Variants in SLC8A1 observed in about 807,000 individuals in gnomAD.
SLC8A1 encodes sodium/calcium exchanger 1.
A neutral mutation model predicts 68.3 loss-of-function variants in SLC8A1; 18 were observed. That is an observed-to-expected ratio of 0.26 (90% CI 0.18 to 0.39). The LOEUF (loss-of-function observed/expected upper bound fraction) is 0.39. Ranked by LOEUF, SLC8A1 falls within the 10% of genes least tolerant of loss-of-function variation. The pLI is 1.00. For synonymous variants in SLC8A1, 475 were observed against 415.5 expected (o/e 1.14, Z -1.74); for missense variants, 985 against 1,156.7 (o/e 0.85, Z 2.15).
intron 2 of SLC8A1, among the ~76,000 whole-genome samples, chr2:40,380,937 G>A (rs1341462765): frequency 6.6e-6 from 1 of 152,072 alleles, no homozygotes; most frequent in Non-Finnish European, 1.5e-5. Context: ...TCTGTGACAT[G>A]CCAGATTCTT....
At chr2:40,437,093 G>A in intron 1 of SLC8A1, among the ~76,000 whole-genome samples, 1 of 152,128 alleles carries the variant, frequency 6.6e-6, no homozygotes, top group Non-Finnish European at 1.5e-5. Context: ...AAAAATAAAT[G>A]GTTCATGAAA....
intron 1 of SLC8A1, among the ~76,000 whole-genome samples, chr2:40,446,828 A>T (rs959929545): frequency 1.3e-5 from 2 of 152,226 alleles, no homozygotes; most frequent in Non-Finnish European, 2.9e-5. Flanking sequence ...ACGTGTGTAA[A>T]GCATTCAGAC....
intron 2 of SLC8A1, among the ~76,000 whole-genome samples, chr2:40,272,721 T>A (rs1459071965): frequency 6.6e-6 from 1 of 152,188 alleles, no homozygotes; most frequent in Non-Finnish European, 1.5e-5. Context: ...TTTCACTTCT[T>A]GTTCACCGCT....
At chr2:40,381,454 T>C (rs1017457330) in intron 2 of SLC8A1, among the ~76,000 whole-genome samples, 1 of 152,088 alleles carries the variant, frequency 6.6e-6, no homozygotes, top group Admixed American at 6.6e-5. Context: ...CATGAGTTTA[T>C]GAACCTTCAA....
intron 6 of SLC8A1, 59 bp from the exon 10 acceptor site, chr2:40,139,735 C>T: frequency 1.9e-6 from 3 of 1,554,562 alleles, no homozygotes; most frequent in Non-Finnish European, 2.6e-6. Context: ...GTCTTCCTCT[C>T]TCTCAATCTC....
chr2:40,246,696 G>A (rs1030425950), intron 2 of SLC8A1, among the ~76,000 whole-genome samples: 3 of 152,198 alleles, frequency 2.0e-5, no homozygotes, highest in Admixed American at 6.5e-5. Context: ...AAGATGGATG[G>A]TGAAGTCATA....
intron 1 of SLC8A1, among the ~76,000 whole-genome samples, chr2:40,489,846 A>C (rs537702483): frequency 6.6e-6 from 1 of 152,146 alleles, no homozygotes; most frequent in East Asian, 1.9e-4. Context: ...CCCAAACTTT[A>C]GCCAATAAAA....
intron 2 of SLC8A1, among the ~76,000 whole-genome samples, chr2:40,243,838 T>A (rs563725801): frequency 3.9e-5 from 6 of 152,350 alleles, no homozygotes; most frequent in African/African-American, 1.4e-4. Flanking sequence ...TCCATGTGAA[T>A]GCTCTAGTGC....
chr2:40,422,763 T>C (rs1695863843), intron 2 of SLC8A1, among the ~76,000 whole-genome samples: 1 of 152,194 alleles, frequency 6.6e-6, no homozygotes, highest in South Asian at 2.1e-4. Context: ...AATATTTTAC[T>C]ACAAATCTGT....
chr2:40,249,599 C>T (rs1448237884), intron 2 of SLC8A1, among the ~76,000 whole-genome samples: 1 of 151,946 alleles, frequency 6.6e-6, no homozygotes, highest in Non-Finnish European at 1.5e-5. Flanking sequence ...TAGATGATTC[C>T]TCTAAAAATA....
chr2:40,249,303 T>C (rs754547074), intron 2 of SLC8A1, among the ~76,000 whole-genome samples: 1 of 152,212 alleles, frequency 6.6e-6, no homozygotes, highest in Non-Finnish European at 1.5e-5. Context: ...TTGAGGTATA[T>C]ACTTTCAAAA....
chr2:40,238,523 G>T (rs1278340355), intron 2 of SLC8A1, among the ~76,000 whole-genome samples: 1 of 152,272 alleles, frequency 6.6e-6, no homozygotes, highest in East Asian at 1.9e-4. Context: ...CTAGTGAGAT[G>T]AACCCAGTAC....
At chr2:40,163,686 G>T (rs1428572) in intron 5 of SLC8A1, among the ~76,000 whole-genome samples, 78,628 of 149,286 alleles carry the variant, frequency 0.53, 21,948 homozygotes, top group South Asian at 0.78. Context: ...GTTTACCCCC[G>T]GACCCCCTCC....
At chr2:40,300,341 G>T (rs1001181700) in intron 2 of SLC8A1, among the ~76,000 whole-genome samples, 2 of 152,038 alleles carry the variant, frequency 1.3e-5, no homozygotes, top group Non-Finnish European at 2.9e-5. Flanking sequence ...ATCTAGACAG[G>T]TCACATACCT....
intron 7 of SLC8A1, among the ~76,000 whole-genome samples, chr2:40,130,695 G>A (rs1229971011): frequency 6.6e-6 from 1 of 152,220 alleles, no homozygotes; most frequent in Non-Finnish European, 1.5e-5. Flanking sequence ...GGGAAATACT[G>A]GCTTAGGGTA....
chr2:40,194,506 T>TGTGTGTGTGC (rs963279052), intron 2 of SLC8A1, among the ~76,000 whole-genome samples: 7 of 131,824 alleles, frequency 5.3e-5, no homozygotes, highest in African/African-American at 1.9e-4. Flanking sequence ...TGTGTGTGTG[T>TGTGTGTGTGC]GCGCGCGCAA....
intron 1 of SLC8A1, among the ~76,000 whole-genome samples, chr2:40,432,483 C>T (rs997043629): frequency 3.5e-5 from 5 of 143,234 alleles, no homozygotes; most frequent in Non-Finnish European, 7.5e-5. Context: ...TTAAGGAAGG[C>T]CTCTCTGATA....
At chr2:40,400,360 G>A (rs897392452) in intron 2 of SLC8A1, among the ~76,000 whole-genome samples, 3 of 152,094 alleles carry the variant, frequency 2.0e-5, no homozygotes, top group Non-Finnish European at 2.9e-5. Flanking sequence ...CATAATTGAA[G>A]GGAAGACTCA....
chr2:40,209,318 C>G (rs1574083699), intron 2 of SLC8A1: 1 of 152,024 alleles, frequency 6.6e-6, no homozygotes, highest in East Asian at 1.9e-4. Context: ...CAAAGACAGT[C>G]CAGACAGTAC....
Sources: gnomAD v4.1 joint callset for allele counts (sites outside exome capture counted in the v4.1 genomes callset) on GRCh38, gnomAD v4.1.1 for gene constraint, MANE v1.5 for transcripts, NCBI Gene and HGNC (gene_info 2026-07-23, HGNC 2026-07-21) for gene names.